The following ZNF737 variants were observed in gnomAD, a reference collection of about 807,000 sequenced individuals.
ZNF737 encodes zinc finger protein 102 (Y3).
ZNF737 carries 13 observed loss-of-function variants against 11.7 expected under a neutral mutation model. The ratio of observed to expected loss-of-function variants is 1.11; its 90% CI spans 0.73 to 1.77. The LOEUF (loss-of-function observed/expected upper bound fraction) is 1.77. Ranked by LOEUF, ZNF737 falls within the 40% of genes most tolerant of loss-of-function variation. ZNF737 has a pLI of 0.00. For missense variants in ZNF737, 636 were observed against 638.0 expected (o/e 1.00, Z 0.03); for synonymous variants, 217 against 216.2 (o/e 1.00, Z -0.03).
intron 1 of ZNF737, among the ~76,000 whole-genome samples, chr19:20,555,528 A>G (rs1475249257): frequency 6.6e-6 from 1 of 152,182 alleles, no homozygotes; most frequent in East Asian, 1.9e-4. Flanking sequence ...AATGGAACAC[A>G]CTAATGGAGC....
intron 1 of ZNF737, among the ~76,000 whole-genome samples, chr19:20,560,105 G>A (rs1335041682): frequency 6.1e-5 from 9 of 147,126 alleles, no homozygotes; most frequent in Non-Finnish European, 1.0e-4. Flanking sequence ...AGCGGAGCTT[G>A]CAGTGAGCCG....
At chr19:20,534,457 CTA>C (rs1555753444), downstream of ZNF737, among the ~76,000 whole-genome samples, 750 of 85,852 alleles carry the variant, frequency 8.7e-3, 46 homozygotes, top group African/African-American at 0.026. Context: ...GAAAAAATAT[CTA>C]TCTATCTATC....
chr19:20,538,133 G>A lies in ZNF737; in HGVS notation c.*6459C>T, dbSNP rs1968052796. On this transcript the variant is annotated 3_prime_UTR_variant, in exon 4 of 4. Transcript: ENST00000427401. ...TTCAAAGACTTTTCTACCTAATTAT[G>A]AATAGTAACTTCTCTTAGAAGCAAA... The A allele has an allele frequency of 3.5e-6, 2 of 563,628 alleles. No individual in the cohort carries two copies. Among genetic ancestry groups the A allele is most frequent in the Non-Finnish European group, 4.5e-6 (2 of 444,584 alleles). The allele number at this position is 563,628 out of a possible 1,614,324, so 34.9% of individuals were successfully genotyped here. A position where few individuals can be genotyped will look rare whatever the true frequency, so the allele number is the denominator to read the frequency against.
At chr19:20,535,910 CA>C, downstream of ZNF737, 1 of 204,038 alleles carries the variant, frequency 4.9e-6, no homozygotes, top group Non-Finnish European at 8.5e-6. Context: ...ATAAAACAAA[CA>C]AAAAATCCCC....
At chr19:20,563,845 A>G (rs1375923994) in intron 1 of ZNF737, among the ~76,000 whole-genome samples, 3 of 152,122 alleles carry the variant, frequency 2.0e-5, no homozygotes, top group Non-Finnish European at 4.4e-5. Context: ...CTTTCAGAAA[A>G]TATATGTATT....
chr19:20,531,778 C>T (rs1450891314), downstream of ZNF737, among the ~76,000 whole-genome samples: 4 of 150,066 alleles, frequency 2.7e-5, no homozygotes, highest in Middle Eastern at 7.1e-3. Flanking sequence ...TTTTATCTCA[C>T]TATTCATAGC....
chr19:20,548,723 C>T (rs1302024182), intron 3 of ZNF737, among the ~76,000 whole-genome samples: 2 of 150,820 alleles, frequency 1.3e-5, no homozygotes, highest in East Asian at 2.0e-4. Context: ...GCCACAGCTG[C>T]ACATCACTAT....
chr19:20,548,981 C>CA (rs66835154), intron 3 of ZNF737, among the ~76,000 whole-genome samples: 5 of 93,332 alleles, frequency 5.4e-5, no homozygotes, highest in Admixed American at 1.1e-4. Flanking sequence ...AAAAAAAAAA[C>CA]AATTATGTAT....
At chr19:20,537,573 A>G (rs1180577364), downstream of ZNF737, among the ~76,000 whole-genome samples, 3 of 133,686 alleles carry the variant, frequency 2.2e-5, no homozygotes, top group African/African-American at 8.7e-5. Flanking sequence ...CTGGAGTGCA[A>G]TGGCATGATC....
At chr19:20,559,467 A>G (rs1286454581) in intron 1 of ZNF737, among the ~76,000 whole-genome samples, 1 of 128,732 alleles carries the variant, frequency 7.8e-6, no homozygotes, top group Non-Finnish European at 1.6e-5. Context: ...AAGAAAAACC[A>G]CATGTGGCTA....
At chr19:20,533,360 T>C (rs1967875567), downstream of ZNF737, among the ~76,000 whole-genome samples, 1 of 149,956 alleles carries the variant, frequency 6.7e-6, no homozygotes, top group African/African-American at 2.5e-5. Flanking sequence ...ACATTCAATG[T>C]CTTTATTCTG....
rs71172600 is a variant in ZNF737 at position 20,560,172 on chromosome 19, C to CAA, written c.3+5464_3+5465dup. ...TGGGCGACAGAGCGAGACTCCGTCT[C>CAA]AAAAAAAAAAAAAAAAAAAAAAAAA... is the stretch of plus-strand genomic sequence containing the variant. On this transcript the variant is annotated intron_variant, in intron 1 of 3. Transcript: ENST00000427401. Among the ~76,000 whole-genome samples, 202 of 70,642 alleles carry CAA rather than the reference C, an allele frequency of 2.9e-3. 1 individual carries two copies. Among genetic ancestry groups the CAA allele is most frequent in the Admixed American group, 5.5e-3 (29 of 5,310 alleles). The allele number at this position is 70,642 out of a possible 152,430, so 46.3% of individuals were successfully genotyped here.
downstream of ZNF737, among the ~76,000 whole-genome samples, chr19:20,533,053 G>T (rs57819713): frequency 0.054 from 8,079 of 149,880 alleles, 1,146 homozygotes; most frequent in African/African-American, 0.19. Flanking sequence ...TCATATTTAG[G>T]TTAGGACCTT....
intron 3 of ZNF737, among the ~76,000 whole-genome samples, chr19:20,547,890 C>G (rs781964420): frequency 1.3e-5 from 2 of 152,086 alleles, no homozygotes; most frequent in African/African-American, 4.8e-5. Context: ...GTGGCTCAAG[C>G]CTGTAATCCT....
At position 20,543,565 on chromosome 19, in the gene ZNF737, T is replaced by C. The variant is rs541408732; in HGVS notation, c.*1027A>G. 1.0e-6 allele frequency: 1 copy of C among 985,432 alleles called. No individual in the cohort carries two copies. Among genetic ancestry groups the C allele is most frequent in the Non-Finnish European group, 1.2e-6 (1 of 829,924 alleles). The allele number at this position is 985,432 out of a possible 1,614,324, so 61.0% of individuals were successfully genotyped here. On this transcript the variant is annotated 3_prime_UTR_variant, in exon 4 of 4. Coordinates refer to ENST00000427401, the MANE Select transcript of ZNF737 (RefSeq NM_001159293.2). ...ACAATTTTTCTCAAGGATACTAGCT[T>C]TTCTGTGAGATAAGGTGTAAGAACT... is the stretch of plus-strand genomic sequence containing the variant.
chr19:20,553,690 G>A lies in ZNF737; in HGVS notation c.130+19C>T, dbSNP rs782500625. On this transcript the variant is annotated intron_variant, in intron 2 of 3. Coordinates refer to ENST00000427401, the MANE Select transcript of ZNF737 (RefSeq NM_001159293.2). ...GTCTTTTGTGTATATTATGAATTAT[G>A]TATTAAAGTTTTTCTCACCAAGGAA... The A allele has an allele frequency of 2.1e-5, 33 of 1,607,998 alleles. No individual in the cohort carries two copies. In the East Asian group the frequency reaches 4.2e-4, roughly 21 times the overall value.
At position 20,542,136 on chromosome 19, in the gene ZNF737, G is replaced by A. The variant is rs1314040813; in HGVS notation, c.*2456C>T. On this transcript the variant is annotated 3_prime_UTR_variant, in exon 4 of 4. Transcript: ENST00000427401. ...TGTACCTACACCCTTGAGTAAAGTGGGATACAGTTAGTGGCACAATAATGG... is the reference window on the plus strand; with the variant it reads ...TGTACCTACACCCTTGAGTAAAGTGAGATACAGTTAGTGGCACAATAATGG... 9 of 984,976 alleles carry A rather than the reference G, an allele frequency of 9.1e-6. No individual in the cohort carries two copies. Among genetic ancestry groups the A allele is most frequent in the Non-Finnish European group, 1.1e-5 (9 of 829,754 alleles). 61.0% of individuals were successfully genotyped at this position (984,976 alleles called of 1,614,324 possible).
At chr19:20,551,841 C>A (rs1268282176) in intron 3 of ZNF737, among the ~76,000 whole-genome samples, 13 of 149,326 alleles carry the variant, frequency 8.7e-5, no homozygotes, top group Non-Finnish European at 1.9e-4. Flanking sequence ...TTCATATTAT[C>A]CAAAGTGATC....
At chr19:20,558,969 A>T (rs1195751509) in intron 1 of ZNF737, among the ~76,000 whole-genome samples, 2 of 152,244 alleles carry the variant, frequency 1.3e-5, no homozygotes, top group Admixed American at 1.3e-4. Flanking sequence ...TGCTGGAATA[A>T]CTACCTAGCA....
Sources: gnomAD v4.1 joint callset for allele counts (sites outside exome capture counted in the v4.1 genomes callset) on GRCh38, gnomAD v4.1.1 for gene constraint, MANE v1.5 for transcripts, NCBI Gene and HGNC (gene_info 2026-07-23, HGNC 2026-07-21) for gene names.